Variants in RRM2 observed in about 807,000 individuals in gnomAD.
The protein encoded by RRM2 is ribonucleotide reductase regulatory subunit M2, also known as ribonucleoside-diphosphate reductase subunit M2.
In RRM2, 6 loss-of-function variants were observed where a neutral mutation model predicts 45.9. The ratio of observed to expected loss-of-function variants is 0.13; its 90% CI spans 0.07 to 0.26. RRM2 has a LOEUF of 0.26. RRM2 is among the 10% of genes least tolerant of loss of function. The pLI, the probability that RRM2 is intolerant of heterozygous loss-of-function variation, is 1.00. For synonymous variants in RRM2, 177 were observed against 173.0 expected (o/e 1.02, Z -0.18); for missense variants, 343 against 489.5 (o/e 0.70, Z 2.82).
chr2:10,163,873 G>A (rs1663623565), intron 3 of RRM2, among the ~76,000 whole-genome samples: 1 of 152,366 alleles, frequency 6.6e-6, no homozygotes, highest in Non-Finnish European at 1.5e-5. Context: ...TGACGTTGGG[G>A]ATGCCCCTTA....
At chr2:10,200,731 C>CACAGGGACTGCGCGCACAAATTATGAG (rs1664551730) in intron 3 of RRM2, among the ~76,000 whole-genome samples, 2 of 152,114 alleles carry the variant, frequency 1.3e-5, no homozygotes, top group African/African-American at 2.4e-5. Flanking sequence ...ATATGAGGCC[C>CACAGGGACTGCGCGCACAAATTATGAG]GCCATCTAAG....
At chr2:10,189,079 G>A (rs180971102) in intron 3 of RRM2, among the ~76,000 whole-genome samples, 138 of 152,218 alleles carry the variant, frequency 9.1e-4, no homozygotes, top group Non-Finnish European at 1.7e-3. Context: ...TTCTTGAATG[G>A]GGAATGGAGG....
chr2:10,210,471 GT>G, exon 4 of RRM2: 1 of 1,367,910 alleles, frequency 7.3e-7, no homozygotes, highest in Non-Finnish European at 9.8e-7. Context: ...AGTTATCTGG[GT>G]GGGAACTCAC....
intron 2 of RRM2, chr2:10,142,113 G>T: frequency 6.4e-7 from 1 of 1,574,358 alleles, no homozygotes; most frequent in Non-Finnish European, 8.7e-7. Context: ...CGGAGGGTGG[G>T]CAAGCGCAAA....
chr2:10,196,911 G>A (rs1212978269), intron 3 of RRM2, among the ~76,000 whole-genome samples: 1 of 152,180 alleles, frequency 6.6e-6, no homozygotes, highest in African/African-American at 2.4e-5. Flanking sequence ...CATCCCTTTT[G>A]AGACCACACT....
chr2:10,137,368 A>G (rs1234202060), upstream of RRM2, among the ~76,000 whole-genome samples: 1 of 152,222 alleles, frequency 6.6e-6, no homozygotes, highest in Non-Finnish European at 1.5e-5. Context: ...CCAGCTGGCC[A>G]GTGAGTCATA....
downstream of RRM2, among the ~76,000 whole-genome samples, chr2:10,132,975 T>C (rs772324800): frequency 1.3e-5 from 2 of 152,170 alleles, no homozygotes; most frequent in Non-Finnish European, 2.9e-5. Context: ...CCCTGGGTAC[T>C]CATTAGATAC....
At chr2:10,207,972 C>A (rs775534361) in intron 3 of RRM2, among the ~76,000 whole-genome samples, 10 of 151,860 alleles carry the variant, frequency 6.6e-5, no homozygotes, top group Admixed American at 2.0e-4. Flanking sequence ...GTGGTGCCTG[C>A]CACCCTAGAA....
intron 2 of RRM2, 54 bp downstream of exon 2, chr2:10,123,111 G>A (rs1232246256): frequency 4.0e-6 from 6 of 1,500,244 alleles, no homozygotes; most frequent in Non-Finnish European, 5.3e-6. Context: ...GCGTCTTGGC[G>A]CCAAAGCCGC....
At chr2:10,132,005 T>C (rs1369816032), downstream of RRM2, among the ~76,000 whole-genome samples, 1 of 152,206 alleles carries the variant, frequency 6.6e-6, no homozygotes, top group African/African-American at 2.4e-5. Flanking sequence ...AGCTGGAGTT[T>C]TGCTCTGCTG....
chr2:10,191,599 G>C (rs1304627733), intron 3 of RRM2, among the ~76,000 whole-genome samples: 1 of 152,156 alleles, frequency 6.6e-6, no homozygotes, highest in African/African-American at 2.4e-5. Flanking sequence ...TTGGAGCGGA[G>C]CAGGGGCGGG....
At position 10,165,459 on chromosome 2, in the gene RRM2, C is replaced by A. The variant is rs541648988; in HGVS notation, n.482+23084C>A. Among the ~76,000 whole-genome samples, 633 of 152,316 alleles carry A rather than the reference C, an allele frequency of 4.2e-3. 12 individuals carry two copies. The highest frequency in any genetic ancestry group is 5.5e-3 in the Non-Finnish European group (372 of 68,034). ...GGCCCTGTGTGGAAAGAAGGGCAGA[C>A]CTAAGGGAAGCCAACAGGGGTGAGG... is the stretch of plus-strand genomic sequence containing the variant. On this transcript the variant is annotated intron_variant and non_coding_transcript_variant, in intron 3 of 3. Transcript: ENST00000381786.
At chr2:10,126,612 G>C (rs1662784819) in intron 5 of RRM2, 5 of 477,338 alleles carry the variant, frequency 1.0e-5, no homozygotes, top group African/African-American at 2.0e-5. Context: ...ATGTTTTACT[G>C]TCTGTAGACC....
At chr2:10,170,324 A>G (rs1262922554) in intron 3 of RRM2, among the ~76,000 whole-genome samples, 2 of 152,174 alleles carry the variant, frequency 1.3e-5, no homozygotes, top group Non-Finnish European at 2.9e-5. Context: ...CTTGCTTATC[A>G]TGGAAATAAA....
intron 5 of RRM2, among the ~76,000 whole-genome samples, chr2:10,125,165 T>C (rs1187650511): frequency 3.9e-5 from 6 of 152,230 alleles, no homozygotes; most frequent in Admixed American, 2.0e-4. Context: ...GGTAAAGTTG[T>C]TGAGAAGCTA....
At position 10,199,800 on chromosome 2, in the gene RRM2, A is replaced by AACAAAAAAAAAC. The variant is rs1558406239; in HGVS notation, n.483-10510_483-10509insCAAAAAAAAACA. Among the ~76,000 whole-genome samples the AACAAAAAAAAAC allele has an allele frequency of 2.5e-3, 243 of 97,886 alleles. 23 individuals are homozygous for AACAAAAAAAAAC. Among genetic ancestry groups the AACAAAAAAAAAC allele is most frequent in the Non-Finnish European group, 2.1e-3 (107 of 52,010 alleles). The allele number at this position is 97,886 out of a possible 152,430, so 64.2% of individuals were successfully genotyped here. A position where few individuals can be genotyped will look rare whatever the true frequency, so the allele number is the denominator to read the frequency against. On this transcript the variant is annotated intron_variant and non_coding_transcript_variant, in intron 3 of 3. Transcript: ENST00000381786. ...GTCTCAAAAAAAAAAAAAAAAAAAAAAAAAAAAAACAAATCATGGTATGAC... is the reference window on the plus strand; with the variant it reads ...GTCTCAAAAAAAAAAAAAAAAAAAAAACAAAAAAAAACAAAAAAAAACAAATCATGGTATGAC...
At chr2:10,191,929 G>A (rs555084233) in intron 3 of RRM2, among the ~76,000 whole-genome samples, 5 of 152,264 alleles carry the variant, frequency 3.3e-5, no homozygotes, top group South Asian at 2.1e-4. Flanking sequence ...AAATGGCCTC[G>A]AATGAGTCCG....
chr2:10,178,467 C>G (rs1663977823), intron 3 of RRM2, among the ~76,000 whole-genome samples: 1 of 144,664 alleles, frequency 6.9e-6, no homozygotes, highest in Admixed American at 7.2e-5. Flanking sequence ...AGGTAATCCA[C>G]CTGTCTCGGC....
At chr2:10,148,729 A>G (rs549811407) in intron 3 of RRM2, among the ~76,000 whole-genome samples, 1 of 152,310 alleles carries the variant, frequency 6.6e-6, no homozygotes, top group Non-Finnish European at 1.5e-5. Flanking sequence ...TCCCCAAGAC[A>G]TGGTGTGCCC....
Sources: allele counts gnomAD v4.1 joint callset (sites outside exome capture counted in the v4.1 genomes callset), GRCh38; gene constraint gnomAD v4.1.1; transcripts MANE v1.5; gene names NCBI Gene and HGNC (gene_info 2026-07-23, HGNC 2026-07-21).